The following CHL1 variants were observed in gnomAD, a reference collection of about 807,000 sequenced individuals.
The protein encoded by CHL1 is neural cell adhesion molecule L1-like protein.
Under a neutral mutation model 141.9 loss-of-function variants are expected in CHL1, and 96 were observed. The observed-to-expected ratio is 0.68, with a 90% CI of 0.57 to 0.80. The LOEUF is 0.80. Among genes scored for constraint, CHL1 ranks in the 30% least tolerant of loss-of-function variants. The pLI is 0.00. For missense variants in CHL1, 1,820 were observed against 1,457.2 expected (o/e 1.25, Z -4.05); for synonymous variants, 613 against 502.2 (o/e 1.22, Z -2.95).
chr3:382,312 C>A (rs371879641), intron 17 of CHL1, 32 bp downstream of exon 17: 3 of 1,572,472 alleles, frequency 1.9e-6, no homozygotes, highest in Non-Finnish European at 1.7e-6. Context: ...GTTTTCATTA[C>A]TCTAGATAGT....
chr3:270,821 G>C (rs1695569772), intron 2 of CHL1, among the ~76,000 whole-genome samples: 1 of 152,202 alleles, frequency 6.6e-6, no homozygotes, highest in Non-Finnish European at 1.5e-5. Flanking sequence ...GACGTCTGCT[G>C]CCAACTGGGA....
chr3:408,670 C>G lies in CHL1; in HGVS notation c.*2959C>G, dbSNP rs555731721. The G allele has an allele frequency of 6.6e-6, 1 of 152,152 alleles. No individual in the cohort carries two copies. Among genetic ancestry groups the G allele is most frequent in the East Asian group, 1.9e-4 (1 of 5,186 alleles). 9.4% of individuals were successfully genotyped at this position (152,152 alleles called of 1,614,324 possible). ...AATATATTTTTATAGAAAAACAAAT[C>G]TACATAAAATAAATCTACTGTTTAG... On this transcript the variant is annotated 3_prime_UTR_variant, in exon 28 of 28. Coordinates refer to ENST00000256509, the MANE Select transcript of CHL1 (RefSeq NM_006614.4).
intron 2 of CHL1, among the ~76,000 whole-genome samples, chr3:314,284 C>G (rs983286782): frequency 7.1e-6 from 1 of 140,840 alleles, no homozygotes; most frequent in South Asian, 2.4e-4. Context: ...AGCATAACCT[C>G]CCCCCAATCT....
chr3:394,980 A>G (rs1708551094), intron 24 of CHL1, 108 bp downstream of exon 24: 2 of 914,940 alleles, frequency 2.2e-6, no homozygotes, highest in Admixed American at 3.2e-5. Context: ...GTAAATTAGA[A>G]ATGATTGTGA....
At chr3:203,519 A>G (rs1699137720) in intron 1 of CHL1, among the ~76,000 whole-genome samples, 2 of 152,158 alleles carry the variant, frequency 1.3e-5, no homozygotes, top group African/African-American at 4.8e-5. Context: ...TAATTAAGGG[A>G]CCTTAAAGAC....
At chr3:380,575 AC>A (rs1226320052) in intron 16 of CHL1, among the ~76,000 whole-genome samples, 3 of 152,184 alleles carry the variant, frequency 2.0e-5, no homozygotes, top group Admixed American at 6.5e-5. Flanking sequence ...GTGATCATTT[AC>A]TTACTTAATT....
intron 1 of CHL1, among the ~76,000 whole-genome samples, chr3:214,067 C>T (rs1374380044): frequency 2.0e-5 from 3 of 152,120 alleles, no homozygotes; most frequent in East Asian, 1.9e-4. Context: ...CTTGCTTAAT[C>T]GCTTCACAGA....
At chr3:306,079 TTC>T (rs1333746626) in intron 2 of CHL1, among the ~76,000 whole-genome samples, 1 of 152,164 alleles carries the variant, frequency 6.6e-6, no homozygotes, top group Non-Finnish European at 1.5e-5. Flanking sequence ...TGCCTTCCTG[TTC>T]TTATTTCTTA....
At chr3:349,872 A>G (rs1703094850) in intron 10 of CHL1, among the ~76,000 whole-genome samples, 1 of 152,218 alleles carries the variant, frequency 6.6e-6, no homozygotes, top group Non-Finnish European at 1.5e-5. Flanking sequence ...ATATTAAATC[A>G]TAAAAGCAGC....
chr3:399,552 A>C (rs990548468), intron 26 of CHL1, among the ~76,000 whole-genome samples: 7 of 152,180 alleles, frequency 4.6e-5, no homozygotes, highest in African/African-American at 1.4e-4. Flanking sequence ...AGACAGGAGA[A>C]TCACTTGAAC....
At chr3:375,923 T>C (rs1344679526) in intron 15 of CHL1, among the ~76,000 whole-genome samples, 1 of 152,084 alleles carries the variant, frequency 6.6e-6, no homozygotes, top group Non-Finnish European at 1.5e-5. Context: ...CTGAACAGGG[T>C]AAGACAACAA....
intron 1 of CHL1, chr3:197,444 C>G (rs1051002560): frequency 1.2e-5 from 2 of 163,946 alleles, no homozygotes; most frequent in Admixed American, 6.0e-5. Flanking sequence ...CAGACCCCCC[C>G]GTAGATCTCC....
chr3:202,971 A>C (rs1375727395), intron 1 of CHL1, among the ~76,000 whole-genome samples: 2 of 152,226 alleles, frequency 1.3e-5, no homozygotes, highest in African/African-American at 4.8e-5. Flanking sequence ...ACAGGCCCAG[A>C]TAACAAGATT....
chr3:383,963 T>C, intron 19 of CHL1, 77 bp downstream of exon 19: 1 of 882,562 alleles, frequency 1.1e-6, no homozygotes, highest in Non-Finnish European at 1.8e-6. Flanking sequence ...ACTACAATGA[T>C]AGCACAACAT....
At chr3:246,573 CTTG>C (rs1693191381) in intron 2 of CHL1, 3 of 152,068 alleles carry the variant, frequency 2.0e-5, no homozygotes, top group Admixed American at 2.0e-4. Flanking sequence ...TTCAGAATCT[CTTG>C]TTTGGAAATT....
rs1201505876 is a variant in CHL1, at chr3:242,361, C to G, written c.-174-2252C>G. Among the ~76,000 whole-genome samples, 3 of 146,836 alleles carry G rather than the reference C, an allele frequency of 2.0e-5. No homozygotes were observed. In the Admixed American group the frequency reaches 2.1e-4, roughly 10 times the overall value. ...CCTGTAATCCCAGCACTTTGGGAGGCTGAGGGGGGCAGATCACGAGGTCAG... is the reference window on the plus strand; with the variant it reads ...CCTGTAATCCCAGCACTTTGGGAGGGTGAGGGGGGCAGATCACGAGGTCAG... On this transcript the variant is annotated intron_variant, in intron 1 of 27. Coordinates refer to ENST00000256509, the MANE Select transcript of CHL1 (RefSeq NM_006614.4).
intron 23 of CHL1, 101 bp downstream of exon 23, chr3:391,898 G>T (rs1396627793): frequency 1.0e-6 from 1 of 958,170 alleles, no homozygotes; most frequent in African/African-American, 1.7e-5. Context: ...TTAAGGCCAT[G>T]GTTTGTAAGC....
At chr3:358,431 G>A (rs76757142) in intron 11 of CHL1, among the ~76,000 whole-genome samples, 4,288 of 152,206 alleles carry the variant, frequency 0.028, 202 homozygotes, top group African/African-American at 0.097. Flanking sequence ...CTACCTCAAT[G>A]TCCTTAATCT....
At chr3:290,903 T>G (rs902520469) in intron 2 of CHL1, among the ~76,000 whole-genome samples, 11 of 144,292 alleles carry the variant, frequency 7.6e-5, no homozygotes, top group Non-Finnish European at 9.0e-5. Flanking sequence ...ACCACTGCAC[T>G]CCAGCTTGGG....
Sources: gnomAD v4.1 joint callset for allele counts (sites outside exome capture counted in the v4.1 genomes callset) on GRCh38, gnomAD v4.1.1 for gene constraint, MANE v1.5 for transcripts, NCBI Gene and HGNC (gene_info 2026-07-23, HGNC 2026-07-21) for gene names.